Variants in HS3ST4 observed in about 807,000 individuals in gnomAD.
The protein encoded by HS3ST4 is heparan sulfate-glucosamine 3-sulfotransferase 4, also known as heparan sulfate glucosamine 3-O-sulfotransferase 4.
In HS3ST4, 17 loss-of-function variants were observed where a neutral mutation model predicts 29.2. The ratio of observed to expected loss-of-function variants is 0.58; its 90% CI spans 0.40 to 0.87. The LOEUF (loss-of-function observed/expected upper bound fraction) is 0.87. Among genes scored for constraint, HS3ST4 ranks in the 40% least tolerant of loss-of-function variants. HS3ST4 has a pLI of 0.00. For synonymous variants in HS3ST4, 314 were observed against 285.7 expected, an observed-to-expected ratio of 1.10 and a Z score of -1.00; for missense variants, 627 against 634.5, an observed-to-expected ratio of 0.99 and a Z score of 0.13.
chr16:25,760,954 C>T (rs914777770), intron 1 of HS3ST4, among the ~76,000 whole-genome samples: 1 of 152,054 alleles, frequency 6.6e-6, no homozygotes, highest in Admixed American at 6.6e-5. Flanking sequence ...TGCATAAGCC[C>T]CTGATAAAGG....
chr16:25,808,462 T>C (rs1315167618), intron 1 of HS3ST4, among the ~76,000 whole-genome samples: 2 of 152,230 alleles, frequency 1.3e-5, no homozygotes, highest in Non-Finnish European at 2.9e-5. Flanking sequence ...ATGTTTTCTC[T>C]TCCACTGATT....
intron 1 of HS3ST4, among the ~76,000 whole-genome samples, chr16:26,051,939 GTCCTTCCTTCCTTCCT>G: frequency 9.3e-6 from 1 of 107,140 alleles, no homozygotes; most frequent in East Asian, 3.3e-4. Flanking sequence ...CCTTCCTTCC[GTCCTTCCTTCCTTCCT>G]TCCTTCCTCT....
At chr16:25,940,996 T>C (rs1051589095) in intron 1 of HS3ST4, among the ~76,000 whole-genome samples, 2 of 152,226 alleles carry the variant, frequency 1.3e-5, no homozygotes, top group Admixed American at 1.3e-4. Flanking sequence ...GGGATACTCT[T>C]ACATTAGATT....
In HS3ST4 at chr16:25,821,926, A is replaced by G. The variant is rs9928468; in HGVS notation, c.734+128775A>G. 3.0e-3 allele frequency among the ~76,000 whole-genome samples: 462 copies of G among 152,300 alleles called. 4 individuals are homozygous for G. The highest frequency in any genetic ancestry group is 0.01 in the African/African-American group (422 of 41,564). On this transcript the variant is annotated intron_variant, in intron 1 of 1. Transcript: ENST00000331351. Reference sequence around the variant, plus strand: ...AAAAAAAAGGTTTTCTCTTCTTGGCAGTCACAGCAGTGGAGCTTTGCATAT... The same window carrying G: ...AAAAAAAAGGTTTTCTCTTCTTGGCGGTCACAGCAGTGGAGCTTTGCATAT...
At chr16:25,801,508 T>C (rs116508196) in intron 1 of HS3ST4, among the ~76,000 whole-genome samples, 4,197 of 152,296 alleles carry the variant, frequency 0.028, 183 homozygotes, top group African/African-American at 0.096. Flanking sequence ...TCTAGAAAGA[T>C]TGGACTAAAA....
At chr16:26,057,809 G>T (rs1898427559) in intron 1 of HS3ST4, among the ~76,000 whole-genome samples, 1 of 150,050 alleles carries the variant, frequency 6.7e-6, no homozygotes, top group Non-Finnish European at 1.5e-5. Flanking sequence ...CGTTGCCTTT[G>T]TGGGGGTCGT....
At chr16:26,081,115 C>A (rs551897099) in intron 1 of HS3ST4, among the ~76,000 whole-genome samples, 1 of 152,072 alleles carries the variant, frequency 6.6e-6, no homozygotes, top group Non-Finnish European at 1.5e-5. Context: ...GGTGAGACCC[C>A]ATCTCTACTA....
chr16:25,748,188 T>G (rs1966696401), intron 1 of HS3ST4, among the ~76,000 whole-genome samples: 1 of 152,222 alleles, frequency 6.6e-6, no homozygotes, highest in South Asian at 2.1e-4. Context: ...CTGGCTGTGC[T>G]TGGGTGGGCG....
Position 25,828,242 on chromosome 16 carries a change from C to CTTTTTCTGTCTTTCTTTCTT in HS3ST4, c.734+135092_734+135093insTTTTCTGTCTTTCTTTCTTT, listed in dbSNP as rs1371928058. On this transcript the variant is annotated intron_variant, in intron 1 of 1. Transcript: ENST00000331351. ...CTTTCCTTTCTTTCTTTCTTTCTTTCTCTTTCTTTCTTTCTTTCTTTCTTT... is the reference window on the plus strand; with the variant it reads ...CTTTCCTTTCTTTCTTTCTTTCTTTCTTTTTCTGTCTTTCTTTCTTTCTTTCTTTCTTTCTTTCTTTCTTT... 9.1e-3 allele frequency among the ~76,000 whole-genome samples: 686 copies of CTTTTTCTGTCTTTCTTTCTT among 75,018 alleles called. 66 individuals are homozygous for CTTTTTCTGTCTTTCTTTCTT. Among genetic ancestry groups the CTTTTTCTGTCTTTCTTTCTT allele is most frequent in the African/African-American group, 0.013 (230 of 17,278 alleles). The allele number at this position is 75,018 out of a possible 152,430, so 49.2% of individuals were successfully genotyped here. A position where few individuals can be genotyped will look rare whatever the true frequency, so the allele number is the denominator to read the frequency against.
At chr16:25,849,207 A>T (rs1349795827) in intron 1 of HS3ST4, among the ~76,000 whole-genome samples, 1 of 152,214 alleles carries the variant, frequency 6.6e-6, no homozygotes, top group Non-Finnish European at 1.5e-5. Context: ...GGCCTAATAA[A>T]GACTGAAATT....
intron 1 of HS3ST4, among the ~76,000 whole-genome samples, chr16:26,077,095 C>T (rs901469374): frequency 1.3e-5 from 2 of 152,194 alleles, no homozygotes; most frequent in Non-Finnish European, 2.9e-5. Flanking sequence ...GCAGTCCTCC[C>T]ACAGTCCATG....
In HS3ST4 at chr16:26,124,196, A is replaced by G. The variant is rs1899313179; in HGVS notation, c.735-11416A>G. ...CGGCCTCCTAAAGTGCTGGGATTAC[A>G]GGCATGAGCCACTGCACCCAGCCCA... On this transcript the variant is annotated intron_variant, in intron 1 of 1. Transcript: ENST00000331351. 2.6e-5 allele frequency among the ~76,000 whole-genome samples: 4 copies of G among 152,236 alleles called. No homozygotes were observed. The South Asian group carries it at 6.2e-4, about 24-fold the overall frequency.
intron 1 of HS3ST4, among the ~76,000 whole-genome samples, chr16:25,710,254 C>G (rs1966406513): frequency 6.6e-6 from 1 of 152,116 alleles, no homozygotes; most frequent in South Asian, 2.1e-4. Context: ...TTGGGAGATT[C>G]TTATTAGCAC....
chr16:25,951,158 G>A (rs1968680637), intron 1 of HS3ST4, among the ~76,000 whole-genome samples: 1 of 152,202 alleles, frequency 6.6e-6, no homozygotes, highest in Non-Finnish European at 1.5e-5. Context: ...GAAGCTGAGA[G>A]GGGATTTAGA....
chr16:25,965,647 G>C lies in HS3ST4; in HGVS notation c.735-169965G>C, dbSNP rs60743496. On this transcript the variant is annotated intron_variant, in intron 1 of 1. Coordinates refer to ENST00000331351, the MANE Select transcript of HS3ST4 (RefSeq NM_006040.3). Reference sequence around the variant, plus strand: ...GCAAGTCCATTCCTTTTTATCATTCGTGTGTCTTCACACATCTTATGAACT... The same window carrying C: ...GCAAGTCCATTCCTTTTTATCATTCCTGTGTCTTCACACATCTTATGAACT... Among the ~76,000 whole-genome samples, 959 of 152,034 alleles carry C rather than the reference G, an allele frequency of 6.3e-3. 14 individuals carry two copies. Among genetic ancestry groups the C allele is most frequent in the African/African-American group, 0.02 (817 of 41,422 alleles).
chr16:26,052,069 A>G (rs192858535), intron 1 of HS3ST4, among the ~76,000 whole-genome samples: 193 of 152,198 alleles, frequency 1.3e-3, no homozygotes, highest in African/African-American at 4.6e-3. Flanking sequence ...GGCCATAAAG[A>G]AATGATCTGA....
chr16:25,980,117 C>G (rs966440428), intron 1 of HS3ST4, among the ~76,000 whole-genome samples: 2 of 152,138 alleles, frequency 1.3e-5, no homozygotes, highest in African/African-American at 4.8e-5. Context: ...AAATTTGTGA[C>G]CTGGAGCTCC....
At chr16:25,733,486 C>T (rs896829246) in intron 1 of HS3ST4, among the ~76,000 whole-genome samples, 1 of 152,144 alleles carries the variant, frequency 6.6e-6, no homozygotes, top group African/African-American at 2.4e-5. Context: ...GAGTGAGACT[C>T]TGTAAAATGA....
chr16:25,962,366 T>C (rs1247455406), intron 1 of HS3ST4, among the ~76,000 whole-genome samples: 2 of 152,300 alleles, frequency 1.3e-5, no homozygotes, highest in East Asian at 3.9e-4. Flanking sequence ...TAGAGAGACC[T>C]GAGTTCAAAT....
Sources: gnomAD v4.1 joint callset for allele counts (sites outside exome capture counted in the v4.1 genomes callset) on GRCh38, gnomAD v4.1.1 for gene constraint, MANE v1.5 for transcripts, NCBI Gene and HGNC (gene_info 2026-07-23, HGNC 2026-07-21) for gene names.